Variants in ATP11C observed in about 807,000 individuals in gnomAD.
The protein encoded by ATP11C is ATPase phospholipid transporting 11C (ATP11C blood group).
Under a neutral mutation model 97.4 loss-of-function variants are expected in ATP11C, and 36 were observed. The observed-to-expected ratio is 0.37, with a 90% CI of 0.28 to 0.49. The LOEUF (loss-of-function observed/expected upper bound fraction) is 0.49. Ranked by LOEUF, ATP11C falls within the 20% of genes least tolerant of loss-of-function variation. The pLI, the probability that ATP11C is intolerant of heterozygous loss-of-function variation, is 0.98. For synonymous variants in ATP11C, 275 were observed against 290.9 expected, an observed-to-expected ratio of 0.95 and a Z score of 0.56; for missense variants, 730 against 824.6, an observed-to-expected ratio of 0.89 and a Z score of 1.40.
At chrX:139,803,615 T>C (rs762772210) in intron 6 of ATP11C, among the ~76,000 whole-genome samples, 3 of 109,785 alleles carry the variant, frequency 2.7e-5, no homozygotes, top group Non-Finnish European at 5.7e-5. Flanking sequence ...AGTTATAATT[T>C]GTTATATGTA....
intron 25 of ATP11C, 102 bp from the exon 26 acceptor site, chrX:139,743,726 C>T: frequency 2.2e-6 from 1 of 455,236 alleles, no homozygotes; most frequent in Admixed American, 4.5e-5. Context: ...TGTGTAAGTG[C>T]CAAATATTTT....
chrX:139,737,244 T>A (rs1248209761), intron 28 of ATP11C, among the ~76,000 whole-genome samples: 1 of 111,571 alleles, frequency 9.0e-6, no homozygotes, highest in Non-Finnish European at 1.9e-5. Context: ...AAAGGCTTTT[T>A]AAAAAATGTT....
At chrX:139,788,145 C>T in intron 14 of ATP11C, 47 bp downstream of exon 14, 2 of 1,087,622 alleles carry the variant, frequency 1.8e-6, no homozygotes. Context: ...CTTCTGTCCT[C>T]CTGTGATTTC....
At chrX:139,858,517 C>A (rs1381942630) in intron 1 of ATP11C, among the ~76,000 whole-genome samples, 2 of 111,857 alleles carry the variant, frequency 1.8e-5, no homozygotes, top group Non-Finnish European at 3.8e-5. Context: ...TTGATCACAC[C>A]AAAAAGGTGT....
intron 1 of ATP11C, among the ~76,000 whole-genome samples, chrX:139,835,668 G>A (rs2083735539): frequency 1.8e-5 from 2 of 108,118 alleles, no homozygotes; most frequent in African/African-American, 6.7e-5. Flanking sequence ...GCCTCCCAAA[G>A]TGCTGGGATT....
intron 1 of ATP11C, among the ~76,000 whole-genome samples, chrX:139,911,331 T>A (rs2085071174): frequency 8.9e-6 from 1 of 111,805 alleles, no homozygotes; most frequent in Non-Finnish European, 1.9e-5. Flanking sequence ...AACAAGTAGA[T>A]AAGGAGAGAA....
chrX:139,736,432 A>G (rs1400145961), intron 28 of ATP11C, among the ~76,000 whole-genome samples: 1 of 111,834 alleles, frequency 8.9e-6, no homozygotes, highest in Non-Finnish European at 1.9e-5. Flanking sequence ...GGATCATTCC[A>G]AAGTATACTC....
At chrX:139,836,466 G>A (rs1044227602) in intron 1 of ATP11C, among the ~76,000 whole-genome samples, 3 of 111,205 alleles carry the variant, frequency 2.7e-5, no homozygotes, top group African/African-American at 9.8e-5. Flanking sequence ...AGTGAGCCGA[G>A]ATCGCACCAT....
chrX:139,903,826 A>G (rs1263762156), intron 1 of ATP11C, among the ~76,000 whole-genome samples: 1 of 110,647 alleles, frequency 9.0e-6, no homozygotes, highest in African/African-American at 3.3e-5. Context: ...GTATTCTGTT[A>G]TAGCAGCCTG....
chrX:139,791,841 G>A (rs891357394), intron 12 of ATP11C, among the ~76,000 whole-genome samples: 8 of 111,330 alleles, frequency 7.2e-5, no homozygotes, highest in African/African-American at 2.6e-4. Flanking sequence ...TTGCCAAAAA[G>A]ACTCCTCTGT....
intron 1 of ATP11C, among the ~76,000 whole-genome samples, chrX:139,908,286 A>G (rs184711961): frequency 1.4e-4 from 16 of 111,769 alleles, no homozygotes; most frequent in Admixed American, 1.3e-3. Context: ...AGTAGTCCTC[A>G]TTCCTTCAGT....
chrX:139,744,140 TA>T (rs1317655003), intron 25 of ATP11C, among the ~76,000 whole-genome samples: 1 of 110,930 alleles, frequency 9.0e-6, no homozygotes, highest in East Asian at 2.8e-4. Context: ...ATACCATGTA[TA>T]AATCCAAATG....
intron 27 of ATP11C, 51 bp from the exon 28 acceptor site, chrX:139,738,120 A>G: frequency 9.9e-7 from 1 of 1,010,034 alleles, no homozygotes; most frequent in Non-Finnish European, 1.3e-6. Context: ...TTCCTGTCAT[A>G]TGAAATGGAC....
chrX:139,853,062 G>A (rs1486870595), intron 1 of ATP11C, among the ~76,000 whole-genome samples: 1 of 111,487 alleles, frequency 9.0e-6, no homozygotes, highest in African/African-American at 3.3e-5. Flanking sequence ...TTGAGGGGTT[G>A]AGCCTCCTGG....
intron 1 of ATP11C, among the ~76,000 whole-genome samples, chrX:139,840,949 C>A (rs1424757938): frequency 9.0e-6 from 1 of 111,059 alleles, no homozygotes; most frequent in Admixed American, 9.6e-5. Context: ...CAAAATCTCA[C>A]AAATCACACT....
intron 1 of ATP11C, among the ~76,000 whole-genome samples, chrX:139,846,930 CAA>C (rs200723546): frequency 4.1e-5 from 3 of 73,013 alleles, no homozygotes; most frequent in Admixed American, 1.5e-4. Context: ...AATGCCTGTA[CAA>C]AAAAAAAAAA....
At chrX:139,885,670 T>C (rs1449146238) in intron 1 of ATP11C, 6 of 111,903 alleles carry the variant, frequency 5.4e-5, no homozygotes, top group Admixed American at 4.8e-4. Context: ...GCAAGAATAG[T>C]TCGGCATTCA....
At chrX:139,792,835 G>A (rs1358918206) in intron 12 of ATP11C, among the ~76,000 whole-genome samples, 1 of 112,081 alleles carries the variant, frequency 8.9e-6, no homozygotes, top group Non-Finnish European at 1.9e-5. Flanking sequence ...CTTCATCTGT[G>A]TCCTTTGCAA....
At position 139,757,833 on chromosome X, in the gene ATP11C, T is replaced by C; in HGVS notation, c.2675A>G (p.Gln892Arg). The C allele has an allele frequency of 8.4e-7, 1 of 1,191,196 alleles. No homozygotes were observed. Among genetic ancestry groups the C allele is most frequent in the African/African-American group, 1.8e-5 (1 of 56,908 alleles). ...LCFILPQFLY[Q>R]FFCGFSQQPL... Reference sequence around the variant, plus strand: ...CTGTTGTGAGAATCCACAGAAGAACTGGTACAAAAACTGTGGCAAAATGAA... The same window carrying C: ...CTGTTGTGAGAATCCACAGAAGAACCGGTACAAAAACTGTGGCAAAATGAA... The change falls in exon 23 of 30, where the codon CAG becomes CGG. Residue 892 changes from glutamine to arginine, a missense_variant. Transcript: ENST00000682941.
Sources: gnomAD v4.1 joint callset for allele counts (sites outside exome capture counted in the v4.1 genomes callset) on GRCh38, gnomAD v4.1.1 for gene constraint, MANE v1.5 for transcripts, NCBI Gene and HGNC (gene_info 2026-07-23, HGNC 2026-07-21) for gene names.